HUS1: variants seen among roughly 807,000 people sequenced by gnomAD.
HUS1 encodes the protein HUS1 checkpoint clamp component, also known as checkpoint protein HUS1.
In HUS1, 31 loss-of-function variants were observed where a neutral mutation model predicts 32.6. The ratio of observed to expected loss-of-function variants is 0.95; its 90% CI spans 0.72 to 1.28. HUS1 has a LOEUF of 1.28. Among genes scored for constraint, HUS1 ranks in the 50% most tolerant of loss-of-function variants. The probability of loss-of-function intolerance (pLI) is 0.00; values close to 1 mark genes in which losing one functional copy is unlikely to be tolerated. For synonymous variants in HUS1, 123 were observed against 116.6 expected, an observed-to-expected ratio of 1.06 and a Z score of -0.36; for missense variants, 340 against 337.7, an observed-to-expected ratio of 1.01 and a Z score of -0.05.
At chr7:47,976,678 A>C in intron 4 of HUS1, 52 bp downstream of exon 4, 1 of 978,532 alleles carries the variant, frequency 1.0e-6, no homozygotes, top group Non-Finnish European at 1.6e-6. Context: ...TAGAGAATTC[A>C]AGTCATGCCA....
At position 47,979,032 on chromosome 7, in the gene HUS1, T is replaced by C. The variant is rs1003291574; in HGVS notation, c.53-216A>G. On this transcript the variant is annotated intron_variant, in intron 1 of 7. Transcript: ENST00000258774. ...ACAGCACACATCATCAGTGTTCAAA[T>C]AAGAAAACAGGCACCTACCAGTCAT... is the stretch of plus-strand genomic sequence containing the variant. 1.0e-5 allele frequency: 6 copies of C among 572,130 alleles called. No homozygotes were observed. The East Asian group carries it at 1.5e-4, about 14-fold the overall frequency. The allele number at this position is 572,130 out of a possible 1,614,324, so 35.4% of individuals were successfully genotyped here. A position where few individuals can be genotyped will look rare whatever the true frequency, so the allele number is the denominator to read the frequency against.
At position 47,971,469 on chromosome 7, in the gene HUS1, T is replaced by G. The variant is rs189141314; in HGVS notation, c.541-2151A>C. 1.5e-5 allele frequency: 7 copies of G among 456,690 alleles called. No individual in the cohort carries two copies. The East Asian group carries it at 4.9e-4, about 32-fold the overall frequency. 28.3% of individuals were successfully genotyped at this position (456,690 alleles called of 1,614,324 possible). ...ACAAGGGACTCCTTTCCTTTGAAGCTCCTCTACCCACCCCAACAACCAATC... is the reference window on the plus strand; with the variant it reads ...ACAAGGGACTCCTTTCCTTTGAAGCGCCTCTACCCACCCCAACAACCAATC... On this transcript the variant is annotated intron_variant, in intron 5 of 7. Transcript: ENST00000258774.
intron 6 of HUS1, among the ~76,000 whole-genome samples, chr7:47,968,420 C>T (rs1437215283): frequency 6.6e-6 from 1 of 152,220 alleles, no homozygotes; most frequent in African/African-American, 2.4e-5. Context: ...GGATTTCACT[C>T]TGCTGGAGCA....
In HUS1 at chr7:47,971,400, C is replaced by T. The variant is rs1200451149; in HGVS notation, c.541-2082G>A. The T allele has an allele frequency of 4.4e-5, 20 of 453,104 alleles. 1 individual carries two copies. The Middle Eastern group carries it at 4.9e-3, about 111-fold the overall frequency. The allele number at this position is 453,104 out of a possible 1,614,324, so 28.1% of individuals were successfully genotyped here. A position where few individuals can be genotyped will look rare whatever the true frequency, so the allele number is the denominator to read the frequency against. ...CCCTCATATACCATCGGGCACCCCT[C>T]TTCTACTCCTGCTCTTGCTGCCCGG... On this transcript the variant is annotated intron_variant, in intron 5 of 7. Coordinates refer to ENST00000258774, the MANE Select transcript of HUS1 (RefSeq NM_004507.4).
chr7:47,972,616 T>C (rs1015808736), intron 5 of HUS1, among the ~76,000 whole-genome samples: 2 of 152,260 alleles, frequency 1.3e-5, no homozygotes, highest in African/African-American at 2.4e-5. Flanking sequence ...TATAGAATGC[T>C]GACTATACTG....
chr7:47,970,319 A>G (rs1583717224), intron 5 of HUS1, among the ~76,000 whole-genome samples: 1 of 152,080 alleles, frequency 6.6e-6, no homozygotes, highest in South Asian at 2.1e-4. Context: ...AAGCTCAGAC[A>G]TGAGATGACC....
Position 47,976,949 on chromosome 7 carries a change from C to G in HUS1, c.358-112G>C, listed in dbSNP as rs1157573458. ...TGAAATACCAAATCTAAGTGGAATG[C>G]TGTCAGTTTATTCACTCAAAAGCCA... On this transcript the variant is annotated intron_variant, in intron 3 of 7. Transcript: ENST00000258774. 9 of 663,772 alleles carry G rather than the reference C, an allele frequency of 1.4e-5. No individual in the cohort carries two copies. The African/African-American group carries it at 1.6e-4, about 12-fold the overall frequency. 41.1% of individuals were successfully genotyped at this position (663,772 alleles called of 1,614,324 possible). A position where few individuals can be genotyped will look rare whatever the true frequency, so the allele number is the denominator to read the frequency against.
chr7:47,971,482 CCA>C (rs1223675733), intron 5 of HUS1: 1 of 456,722 alleles, frequency 2.2e-6, no homozygotes, highest in Admixed American at 2.3e-5. Flanking sequence ...TCTACCCACC[CCA>C]ACAACCAATC....
At position 47,963,368 on chromosome 7, in the gene HUS1, A is replaced by T. The variant is rs748156015; in HGVS notation, c.*1988T>A. ...GCCATTCATTAAAATCTTCAAAATT[A>T]TATGTATTTGATAATAAACATCACA... On this transcript the variant is annotated 3_prime_UTR_variant, in exon 8 of 8. Transcript: ENST00000258774. 2 of 152,256 alleles carry T rather than the reference A, an allele frequency of 1.3e-5. No individual in the cohort carries two copies. Among genetic ancestry groups the T allele is most frequent in the East Asian group, 1.9e-4 (1 of 5,200 alleles). 9.4% of individuals were successfully genotyped at this position (152,256 alleles called of 1,614,324 possible). A position where few individuals can be genotyped will look rare whatever the true frequency, so the allele number is the denominator to read the frequency against.
chr7:47,972,411 T>C (rs185986333), intron 5 of HUS1, among the ~76,000 whole-genome samples: 25 of 152,346 alleles, frequency 1.6e-4, no homozygotes, highest in Admixed American at 8.5e-4. Flanking sequence ...CATTAACACC[T>C]GGTGCCTAGC....
rs762603278 is a variant in HUS1 at position 47,978,600 on chromosome 7, G to GA, written c.181-8dup. 6.2e-6 allele frequency: 10 copies of GA among 1,612,076 alleles called. No homozygotes were observed. Among genetic ancestry groups the GA allele is most frequent in the Admixed American group, 1.7e-5 (1 of 59,756 alleles). ...ATTCGTTGAAGAAGTTCTCCTAAGG[G>GA]AAAAAAAATGAGGGATGAGGGAGGG... is the stretch of plus-strand genomic sequence containing the variant. On this transcript the variant is annotated splice_region_variant and splice_polypyrimidine_tract_variant and intron_variant, in intron 2 of 7. Coordinates refer to ENST00000258774, the MANE Select transcript of HUS1 (RefSeq NM_004507.4).
chr7:47,978,069 T>C (rs1195621527), intron 3 of HUS1, among the ~76,000 whole-genome samples: 1 of 152,116 alleles, frequency 6.6e-6, no homozygotes, highest in Non-Finnish European at 1.5e-5. Flanking sequence ...AAGGTTATTA[T>C]AGCAGATGAG....
chr7:47,978,585 G>T lies in HUS1; in HGVS notation c.189C>A (p.Phe63Leu), dbSNP rs1467698553. ...CACCCTCCATTTGAAATTCGTTGAAGAAGTTCTCCTAAGGGAAAAAAAATG... is the reference window on the plus strand; with the variant it reads ...CACCCTCCATTTGAAATTCGTTGAATAAGTTCTCCTAAGGGAAAAAAAATG... ...SMWCELEQEN[F>L]FNEFQMEGVS... Residue 63 changes from phenylalanine (F) to leucine (L), a missense_variant, in exon 3 of 8, where the codon TTC becomes TTA. Phe to Leu is a conservative substitution (Grantham distance 22). Transcript: ENST00000258774. 6.2e-7 allele frequency: 1 copy of T among 1,613,878 alleles called. No homozygotes were observed. The highest frequency in any genetic ancestry group is 1.3e-5 in the African/African-American group (1 of 74,946).
intron 3 of HUS1, 28 bp downstream of exon 3, chr7:47,978,389 T>A: frequency 6.3e-7 from 1 of 1,593,016 alleles, no homozygotes; most frequent in Non-Finnish European, 8.6e-7. Flanking sequence ...AAGACTTCTG[T>A]GTTAGAAACC....
chr7:47,972,559 CAG>C, intron 5 of HUS1, among the ~76,000 whole-genome samples: 1 of 152,350 alleles, frequency 6.6e-6, no homozygotes, highest in South Asian at 2.1e-4. Flanking sequence ...TCTTAAGTAT[CAG>C]GGTAAGATCT....
At chr7:47,977,018 G>A (rs1453762355) in intron 3 of HUS1, among the ~76,000 whole-genome samples, 181 bp from the exon 4 acceptor site, 1 of 148,814 alleles carries the variant, frequency 6.7e-6, no homozygotes, top group Non-Finnish European at 1.5e-5. Context: ...AACAGACTCT[G>A]GGTACTTCCA....
intron 5 of HUS1, among the ~76,000 whole-genome samples, chr7:47,974,473 G>T (rs1008922180): frequency 1.1e-4 from 16 of 152,106 alleles, no homozygotes; most frequent in Non-Finnish European, 2.4e-4. Flanking sequence ...CAAAGAAACT[G>T]AACAAAAAAG....
At chr7:47,979,355 C>T (rs1788777310) in intron 1 of HUS1, 113 bp downstream of exon 1, 1 of 1,190,484 alleles carries the variant, frequency 8.4e-7, no homozygotes, top group East Asian at 3.1e-5. Flanking sequence ...GCCCCATCCT[C>T]CCGCGGCCCC....
intron 5 of HUS1, among the ~76,000 whole-genome samples, chr7:47,973,571 G>T (rs1476863499): frequency 6.6e-6 from 1 of 152,068 alleles, no homozygotes; most frequent in African/African-American, 2.4e-5. Flanking sequence ...TGGGAAGGTG[G>T]GCATTTTTAG....
Sources: gnomAD v4.1 joint callset for allele counts (sites outside exome capture counted in the v4.1 genomes callset) on GRCh38, gnomAD v4.1.1 for gene constraint, MANE v1.5 for transcripts, NCBI Gene and HGNC (gene_info 2026-07-23, HGNC 2026-07-21) for gene names.